NALF1: variants seen among roughly 807,000 people sequenced by gnomAD.
NALF1 encodes the protein family with sequence similarity 155 member A.
A neutral mutation model predicts 48.4 loss-of-function variants in NALF1; 3 were observed. The ratio of observed to expected loss-of-function variants is 0.06; its 90% CI spans 0.03 to 0.16. The LOEUF (loss-of-function observed/expected upper bound fraction) is 0.16. NALF1 is among the 10% of genes least tolerant of loss of function. NALF1 has a pLI of 1.00. For missense variants in NALF1, 526 were observed against 571.5 expected, an observed-to-expected ratio of 0.92 and a Z score of 0.81; for synonymous variants, 262 against 245.7, an observed-to-expected ratio of 1.07 and a Z score of -0.62.
intron 1 of NALF1, among the ~76,000 whole-genome samples, chr13:107,589,494 G>C (rs1438016556): frequency 1.3e-5 from 2 of 151,954 alleles, no homozygotes; most frequent in Admixed American, 6.6e-5. Context: ...CTTCATTTTA[G>C]GAATTCTTGA....
intron 1 of NALF1, among the ~76,000 whole-genome samples, chr13:107,499,666 T>C (rs978269296): frequency 1.3e-5 from 2 of 152,196 alleles, no homozygotes; most frequent in African/African-American, 4.8e-5. Context: ...AAGGACATTG[T>C]AAAGAAGGCA....
In NALF1 at chr13:107,629,202, T is replaced by A. The variant is rs148523902; in HGVS notation, c.915+236480A>T. Among the ~76,000 whole-genome samples, 91 of 152,268 alleles carry A rather than the reference T, an allele frequency of 6.0e-4. 3 individuals carry two copies. The East Asian group carries it at 0.016, about 27-fold the overall frequency. Reference sequence around the variant, plus strand: ...TATTTATACTAATAGTCAAAACACATCTTCATTTATTTGACAATTAAGTCC... The same window carrying A: ...TATTTATACTAATAGTCAAAACACAACTTCATTTATTTGACAATTAAGTCC... On this transcript the variant is annotated intron_variant, in intron 1 of 2. Transcript: ENST00000375915.
chr13:107,610,885 A>C (rs1397390471), intron 1 of NALF1, among the ~76,000 whole-genome samples: 2 of 152,142 alleles, frequency 1.3e-5, no homozygotes, highest in Non-Finnish European at 2.9e-5. Flanking sequence ...GCGAGCTGAC[A>C]CTAGTGTTGA....
intron 1 of NALF1, among the ~76,000 whole-genome samples, chr13:107,421,093 CA>C (rs1884178522): frequency 1.3e-5 from 2 of 152,122 alleles, no homozygotes; most frequent in South Asian, 4.1e-4. Context: ...AAAGAAATAA[CA>C]CTTTTATCCA....
At chr13:107,247,943 G>A (rs1008271379) in intron 1 of NALF1, among the ~76,000 whole-genome samples, 5 of 152,068 alleles carry the variant, frequency 3.3e-5, no homozygotes, top group African/African-American at 1.2e-4. Context: ...CAAGTTTAGC[G>A]CATTATGGTG....
chr13:107,199,707 G>C (rs1879469887), intron 2 of NALF1, among the ~76,000 whole-genome samples: 1 of 152,156 alleles, frequency 6.6e-6, no homozygotes, highest in Non-Finnish European at 1.5e-5. Flanking sequence ...ACTCCATTCA[G>C]CAGAAGCCTC....
At chr13:107,754,210 A>G (rs1441130352) in intron 1 of NALF1, among the ~76,000 whole-genome samples, 1 of 152,160 alleles carries the variant, frequency 6.6e-6, no homozygotes, top group Non-Finnish European at 1.5e-5. Flanking sequence ...CTTATTCAGT[A>G]AAGGTGAGAT....
chr13:107,289,500 A>G (rs1277542832), intron 1 of NALF1, among the ~76,000 whole-genome samples: 4 of 152,234 alleles, frequency 2.6e-5, no homozygotes, highest in Non-Finnish European at 4.4e-5. Context: ...AATATATTAC[A>G]GAGGTATACC....
At chr13:107,830,282 GTTTA>G (rs1404428423) in intron 1 of NALF1, among the ~76,000 whole-genome samples, 1 of 152,130 alleles carries the variant, frequency 6.6e-6, no homozygotes, top group East Asian at 1.9e-4. Flanking sequence ...AAATGTCGTT[GTTTA>G]TTTGAATATA....
At chr13:107,364,932 C>T (rs1379901221) in intron 1 of NALF1, among the ~76,000 whole-genome samples, 1 of 99,748 alleles carries the variant, frequency 1.0e-5, no homozygotes, top group African/African-American at 3.8e-5. Flanking sequence ...CTGCCCCCTC[C>T]CCCTCCCACT....
chr13:107,173,733 T>C (rs1566440862), intron 2 of NALF1, among the ~76,000 whole-genome samples: 1 of 152,214 alleles, frequency 6.6e-6, no homozygotes, highest in Non-Finnish European at 1.5e-5. Flanking sequence ...ATTTCCAAGA[T>C]GCCATATGCC....
At chr13:107,827,537 C>T (rs529606538) in intron 1 of NALF1, among the ~76,000 whole-genome samples, 5 of 152,282 alleles carry the variant, frequency 3.3e-5, no homozygotes, top group East Asian at 1.9e-4. Context: ...GTCTGGCCAT[C>T]GGGCAGTGTT....
chr13:107,791,013 C>T (rs1227386396), intron 1 of NALF1, among the ~76,000 whole-genome samples: 2 of 151,998 alleles, frequency 1.3e-5, no homozygotes, highest in African/African-American at 4.8e-5. Flanking sequence ...TACCCACAAA[C>T]CTAAAAATGT....
chr13:107,634,027 T>C (rs1285298259), intron 1 of NALF1, among the ~76,000 whole-genome samples: 1 of 151,734 alleles, frequency 6.6e-6, no homozygotes, highest in Non-Finnish European at 1.5e-5. Context: ...GCAGAGTTAT[T>C]TGAATTTTCA....
intron 1 of NALF1, among the ~76,000 whole-genome samples, chr13:107,752,519 G>A (rs115751345): frequency 0.015 from 2,250 of 152,054 alleles, 62 homozygotes; most frequent in African/African-American, 0.052. Context: ...ATGGAATAAT[G>A]GAATACTATT....
chr13:107,636,797 C>T (rs867488878), intron 1 of NALF1, among the ~76,000 whole-genome samples: 5 of 151,248 alleles, frequency 3.3e-5, no homozygotes, highest in East Asian at 1.9e-4. Flanking sequence ...CACCTTTTCT[C>T]GCACTTAAAA....
chr13:107,857,405 A>C (rs563762012), intron 1 of NALF1, among the ~76,000 whole-genome samples: 79 of 152,206 alleles, frequency 5.2e-4, no homozygotes, highest in African/African-American at 1.8e-3. Context: ...TGGCTTTCCA[A>C]TGCCTGACAG....
At chr13:107,202,095 A>G (rs998887837) in intron 2 of NALF1, among the ~76,000 whole-genome samples, 10 of 152,124 alleles carry the variant, frequency 6.6e-5, no homozygotes, top group African/African-American at 2.4e-4. Context: ...TCCTAACTGA[A>G]CTTTTTATTT....
chr13:107,476,994 T>C (rs559567410), intron 1 of NALF1, among the ~76,000 whole-genome samples: 1 of 152,266 alleles, frequency 6.6e-6, no homozygotes, highest in Non-Finnish European at 1.5e-5. Flanking sequence ...ATGCAATGCT[T>C]GAAACTCTCA....
Sources: gnomAD v4.1 joint callset for allele counts (sites outside exome capture counted in the v4.1 genomes callset) on GRCh38, gnomAD v4.1.1 for gene constraint, MANE v1.5 for transcripts, NCBI Gene and HGNC (gene_info 2026-07-23, HGNC 2026-07-21) for gene names.